Variants in TUSC3 observed in about 807,000 individuals in gnomAD.
The protein encoded by TUSC3 is tumor suppressor candidate 3, also known as dolichyl-diphosphooligosaccharide--protein glycosyltransferase subunit TUSC3.
Under a neutral mutation model 44.8 loss-of-function variants are expected in TUSC3, and 45 were observed. That is an observed-to-expected ratio of 1.00 (90% confidence interval 0.79 to 1.29). The LOEUF (loss-of-function observed/expected upper bound fraction) is 1.29, where lower values mean the gene tolerates loss of function less well. TUSC3 is among the 50% of genes most tolerant of loss of function. The probability of loss-of-function intolerance (pLI) is 0.00; values close to 1 mark genes in which losing one functional copy is unlikely to be tolerated. For synonymous variants in TUSC3, 212 were observed against 152.9 expected (o/e 1.39, Z -2.85); for missense variants, 519 against 437.9 (o/e 1.19, Z -1.65).
intron 1 of TUSC3, among the ~76,000 whole-genome samples, chr8:15,556,043 A>G (rs1190547744): frequency 2.7e-5 from 4 of 150,586 alleles, no homozygotes; most frequent in African/African-American, 9.7e-5. Context: ...TTTAGGGTAC[A>G]TGTGCACATT....
intron 7 of TUSC3, among the ~76,000 whole-genome samples, chr8:15,741,460 G>A (rs1033595504): frequency 6.6e-6 from 1 of 152,146 alleles, no homozygotes; most frequent in African/African-American, 2.4e-5. Flanking sequence ...TGTAATCCCA[G>A]CACTTTGGGA....
intron 1 of TUSC3, among the ~76,000 whole-genome samples, chr8:15,427,206 T>C (rs1242319412): frequency 6.8e-6 from 1 of 147,434 alleles, no homozygotes; most frequent in Admixed American, 7.1e-5. Context: ...TTGAATATTG[T>C]CTAACGGTGC....
At chr8:15,769,365 G>C (rs1812401944), downstream of TUSC3, among the ~76,000 whole-genome samples, 1 of 152,150 alleles carries the variant, frequency 6.6e-6, no homozygotes, top group Non-Finnish European at 1.5e-5. Flanking sequence ...TGGGAAAACT[G>C]GCTAGCTATA....
chr8:15,790,574 C>G, the TUSC3 span, among the ~76,000 whole-genome samples: 2 of 152,026 alleles, frequency 1.3e-5, no homozygotes, highest in Admixed American at 6.6e-5. Flanking sequence ...GTCAGTGCCA[C>G]CTATTGTTTC....
rs116071295 is a variant in TUSC3 at position 15,690,088 on chromosome 8, G to T, written c.798+16252G>T. Among the ~76,000 whole-genome samples, 1,296 of 152,118 alleles carry T rather than the reference G, an allele frequency of 8.5e-3. 19 individuals carry two copies. The highest frequency in any genetic ancestry group is 0.029 in the African/African-American group (1,200 of 41,464). Reference sequence around the variant, plus strand: ...TCTGTTTTAAGCTCTTTGAGAAATCGCCAGACTGCCTTCCACATTGGCAGA... The same window carrying T: ...TCTGTTTTAAGCTCTTTGAGAAATCTCCAGACTGCCTTCCACATTGGCAGA... On this transcript the variant is annotated intron_variant, in intron 6 of 10. Transcript: ENST00000503731.
In TUSC3 at chr8:15,562,917, A is replaced by G. The variant is rs555200494; in HGVS notation, c.138+22349A>G. The stretch of plus-strand genomic sequence containing the variant: ...TCAGAGTTAATAGATTAGAGACCTT[A>G]TGTTTGCAAATATTTGCCATATAAG... On this transcript the variant is annotated intron_variant, in intron 1 of 10. Coordinates refer to ENST00000503731, the MANE Select transcript of TUSC3 (RefSeq NM_006765.4). Among the ~76,000 whole-genome samples the G allele has an allele frequency of 4.6e-5, 7 of 152,228 alleles. No individual in the cohort carries two copies. In the South Asian group the frequency reaches 1.2e-3, roughly 27 times the overall value.
intron 1 of TUSC3, among the ~76,000 whole-genome samples, chr8:15,417,646 A>G (rs955744142): frequency 1.3e-5 from 2 of 152,322 alleles, no homozygotes; most frequent in African/African-American, 4.8e-5. Flanking sequence ...TACTAGAGAG[A>G]AAATATTGCT....
chr8:15,783,100 CT>C, the TUSC3 span, among the ~76,000 whole-genome samples: 1 of 152,098 alleles, frequency 6.6e-6, no homozygotes, highest in Admixed American at 6.6e-5. Context: ...AACAATTCCA[CT>C]TACAATAGCA....
At chr8:15,528,744 A>T (rs1801410419) in intron 2 of TUSC3, among the ~76,000 whole-genome samples, 1 of 152,178 alleles carries the variant, frequency 6.6e-6, no homozygotes, top group South Asian at 2.1e-4. Flanking sequence ...AAATTGCTAC[A>T]GATTGCCTGA....
At chr8:15,475,650 T>C (rs1800565040) in intron 1 of TUSC3, among the ~76,000 whole-genome samples, 1 of 152,194 alleles carries the variant, frequency 6.6e-6, no homozygotes, top group South Asian at 2.1e-4. Flanking sequence ...TATATGCCAT[T>C]ACAGTAGCTG....
Position 15,650,760 on chromosome 8 carries a change from C to T in TUSC3, c.372C>T (p.Asn124=), listed in dbSNP as rs779451208. ...NSWRYSSAFC[N]KLFFSMVDYD... ...GGCGCTATTCATCTGCTTTTTGTAA[C>T]AAGCTCTTCTTCAGTATGGTGGACT... is the stretch of plus-strand genomic sequence containing the variant. Residue 124 remains asparagine (N), a synonymous_variant, in exon 3 of 11, where the codon AAC becomes AAT. Transcript: ENST00000503731. 1 of 1,613,998 alleles carries T rather than the reference C, an allele frequency of 6.2e-7. No individual in the cohort carries two copies. Among genetic ancestry groups the T allele is most frequent in the African/African-American group, 1.3e-5 (1 of 74,906 alleles).
intron 1 of TUSC3, among the ~76,000 whole-genome samples, chr8:15,468,317 G>A (rs771928866): frequency 7.2e-5 from 11 of 152,136 alleles, no homozygotes; most frequent in Non-Finnish European, 1.0e-4. Flanking sequence ...GGTGTTGAAC[G>A]GCTAGTCAAG....
intron 1 of TUSC3, among the ~76,000 whole-genome samples, chr8:15,481,264 A>C (rs911587488): frequency 4.0e-5 from 6 of 151,798 alleles, no homozygotes; most frequent in Non-Finnish European, 2.9e-5. Context: ...AAAAAAAAAA[A>C]AAAAGTGGGG....
At chr8:15,465,263 T>C (rs1275903012) in intron 1 of TUSC3, among the ~76,000 whole-genome samples, 2 of 152,170 alleles carry the variant, frequency 1.3e-5, no homozygotes, top group African/African-American at 4.8e-5. Context: ...TGGGACACAA[T>C]AAGACTACAC....
chr8:15,515,452 A>G (rs1801203930), intron 2 of TUSC3, among the ~76,000 whole-genome samples: 1 of 152,142 alleles, frequency 6.6e-6, no homozygotes, highest in Admixed American at 6.6e-5. Context: ...CTTTATTTAT[A>G]GTATGAACAG....
At chr8:15,847,832 G>T in the TUSC3 span, among the ~76,000 whole-genome samples, 4 of 152,070 alleles carry the variant, frequency 2.6e-5, no homozygotes, top group Non-Finnish European at 5.9e-5. Context: ...AACCCAACAG[G>T]CTGTGAGTGA....
At chr8:15,655,133 G>T (rs919674981) in intron 3 of TUSC3, among the ~76,000 whole-genome samples, 2 of 152,138 alleles carry the variant, frequency 1.3e-5, no homozygotes, top group Non-Finnish European at 1.5e-5. Flanking sequence ...TGATGATCAG[G>T]TGGTTGTTAA....
intron 2 of TUSC3, among the ~76,000 whole-genome samples, chr8:15,511,474 C>G (rs1801135111): frequency 2.0e-5 from 3 of 152,060 alleles, no homozygotes; most frequent in African/African-American, 7.2e-5. Flanking sequence ...TATTGTATTT[C>G]TCTATATTAG....
At chr8:15,613,254 T>C (rs1335660410) in intron 1 of TUSC3, among the ~76,000 whole-genome samples, 1 of 151,808 alleles carries the variant, frequency 6.6e-6, no homozygotes, top group Non-Finnish European at 1.5e-5. Context: ...TAAGTAAATT[T>C]AGCACAGTGC....
Sources: allele counts gnomAD v4.1 joint callset (sites outside exome capture counted in the v4.1 genomes callset), GRCh38; gene constraint gnomAD v4.1.1; transcripts MANE v1.5; gene names NCBI Gene and HGNC (gene_info 2026-07-23, HGNC 2026-07-21).